Variants in NTM observed in about 807,000 individuals in gnomAD.
NTM encodes neurotrimin, also known as IgLON family member 2.
Under a neutral mutation model 42.1 loss-of-function variants are expected in NTM, and 13 were observed. The observed-to-expected ratio is 0.31, with a 90% CI of 0.20 to 0.49. The LOEUF (loss-of-function observed/expected upper bound fraction) is 0.49. NTM is among the 20% of genes least tolerant of loss of function. NTM has a pLI of 0.99. For missense variants in NTM, 373 were observed against 452.8 expected (o/e 0.82, Z 1.60); for synonymous variants, 187 against 179.2 (o/e 1.04, Z -0.35).
At chr11:132,169,315 T>G (rs2137799388) in intron 3 of NTM, among the ~76,000 whole-genome samples, 1 of 139,770 alleles carries the variant, frequency 7.2e-6, no homozygotes, top group Admixed American at 7.7e-5. Context: ...GGTTTAATTT[T>G]TTTACTTTTT....
At chr11:131,568,247 T>C (rs1565648678) in intron 1 of NTM, among the ~76,000 whole-genome samples, 1 of 152,214 alleles carries the variant, frequency 6.6e-6, no homozygotes, top group Non-Finnish European at 1.5e-5. Context: ...ATTGACCACA[T>C]ACCGGGCTCA....
intron 1 of NTM, among the ~76,000 whole-genome samples, chr11:131,883,074 C>A (rs983314358): frequency 7.2e-5 from 11 of 152,190 alleles, no homozygotes; most frequent in Middle Eastern, 3.2e-3. Context: ...GCCAAAAGGA[C>A]TTCTGTGCTC....
intron 1 of NTM, among the ~76,000 whole-genome samples, chr11:131,452,240 G>T (rs2136052269): frequency 6.6e-6 from 1 of 152,352 alleles, no homozygotes; most frequent in South Asian, 2.1e-4. Flanking sequence ...CCAAACTGCT[G>T]TGCTGCCGAG....
intron 1 of NTM, among the ~76,000 whole-genome samples, chr11:131,820,555 G>A (rs763012086): frequency 1.3e-5 from 2 of 151,988 alleles, no homozygotes; most frequent in Non-Finnish European, 2.9e-5. Context: ...TTTTTAAATG[G>A]GGCCAAGGCC....
chr11:132,113,263 G>C (rs746182040), intron 2 of NTM, among the ~76,000 whole-genome samples: 28 of 152,150 alleles, frequency 1.8e-4, no homozygotes, highest in Non-Finnish European at 1.9e-4. Flanking sequence ...TATTCAACTA[G>C]AGACTTGCTT....
intron 2 of NTM, among the ~76,000 whole-genome samples, chr11:132,083,807 C>A (rs1275655834): frequency 1.3e-5 from 2 of 152,046 alleles, no homozygotes; most frequent in African/African-American, 4.8e-5. Flanking sequence ...AACCATATTG[C>A]CATAAGATAA....
intron 1 of NTM, among the ~76,000 whole-genome samples, chr11:131,822,842 A>G (rs1006617544): frequency 2.0e-5 from 3 of 151,968 alleles, no homozygotes; most frequent in Admixed American, 2.0e-4. Context: ...GCTTCTCAAA[A>G]AAAGCGGCTT....
intron 2 of NTM, among the ~76,000 whole-genome samples, chr11:132,047,572 T>G (rs958487055): frequency 3.3e-5 from 5 of 152,224 alleles, no homozygotes; most frequent in Non-Finnish European, 7.3e-5. Context: ...ATTCCTGGTC[T>G]GCGAGGCAGG....
chr11:132,169,338 T>C (rs1368804305), intron 3 of NTM, among the ~76,000 whole-genome samples: 1 of 106,628 alleles, frequency 9.4e-6, no homozygotes, highest in East Asian at 2.9e-4. Flanking sequence ...TTTTTTTTTT[T>C]TTTTTTTTTT....
chr11:132,229,404 C>T (rs1409105441), intron 4 of NTM, among the ~76,000 whole-genome samples: 1 of 152,166 alleles, frequency 6.6e-6, no homozygotes, highest in East Asian at 1.9e-4. Context: ...TGTTTCAATA[C>T]TAACAAGAAA....
At chr11:131,479,634 A>G (rs567825834) in intron 1 of NTM, among the ~76,000 whole-genome samples, 3 of 152,332 alleles carry the variant, frequency 2.0e-5, no homozygotes, top group East Asian at 3.9e-4. Flanking sequence ...CAGGAAAAGA[A>G]TGGTTCTGGA....
At chr11:131,744,627 A>ATTT (rs1565492894) in intron 1 of NTM, among the ~76,000 whole-genome samples, 1 of 152,054 alleles carries the variant, frequency 6.6e-6, no homozygotes, top group East Asian at 1.9e-4. Context: ...GTTTTTTTTA[A>ATTT]AAAAAAGATG....
chr11:131,714,844 C>A (rs1342165769), intron 1 of NTM, among the ~76,000 whole-genome samples: 1 of 152,128 alleles, frequency 6.6e-6, no homozygotes, highest in Non-Finnish European at 1.5e-5. Flanking sequence ...GTGTCCACAG[C>A]CTTTGCAGTT....
At chr11:131,639,130 G>C (rs1366532110) in intron 1 of NTM, among the ~76,000 whole-genome samples, 1 of 152,208 alleles carries the variant, frequency 6.6e-6, no homozygotes, top group Non-Finnish European at 1.5e-5. Flanking sequence ...GCTCACACTG[G>C]TACAACTATC....
chr11:131,819,149 G>T (rs1057400193), intron 1 of NTM, among the ~76,000 whole-genome samples: 92 of 152,114 alleles, frequency 6.0e-4, no homozygotes, highest in African/African-American at 2.1e-3. Flanking sequence ...AGTTCATGAC[G>T]AAACCCCATG....
intron 2 of NTM, among the ~76,000 whole-genome samples, chr11:132,111,811 C>T (rs964897377): frequency 1.1e-4 from 16 of 152,346 alleles, no homozygotes; most frequent in Admixed American, 4.6e-4. Context: ...ATCAACACCA[C>T]TTGGAAGCTG....
intron 1 of NTM, among the ~76,000 whole-genome samples, chr11:131,472,286 G>A (rs777228227): frequency 4.6e-5 from 7 of 152,278 alleles, no homozygotes; most frequent in South Asian, 2.1e-4. Flanking sequence ...AGGGCTCTCC[G>A]GTACCACTCT....
intron 4 of NTM, among the ~76,000 whole-genome samples, chr11:132,279,525 A>G (rs2093883500): frequency 6.6e-6 from 1 of 152,146 alleles, no homozygotes; most frequent in Non-Finnish European, 1.5e-5. Context: ...AACTTCCACT[A>G]CTGCACGTTA....
chr11:131,441,914 A>G (rs892543784), intron 1 of NTM, among the ~76,000 whole-genome samples: 20 of 152,196 alleles, frequency 1.3e-4, no homozygotes, highest in Non-Finnish European at 2.6e-4. Flanking sequence ...TAGGGAAAAC[A>G]CTGGAGGCCT....
Sources: allele counts gnomAD v4.1 joint callset (sites outside exome capture counted in the v4.1 genomes callset), GRCh38; gene constraint gnomAD v4.1.1; transcripts MANE v1.5; gene names NCBI Gene and HGNC (gene_info 2026-07-23, HGNC 2026-07-21).